COPB1: variants seen among roughly 807,000 people sequenced by gnomAD.
COPB1 encodes the protein coatomer subunit beta.
Under a neutral mutation model 108.7 loss-of-function variants are expected in COPB1, and 21 were observed. The observed-to-expected ratio is 0.19, with a 90% CI of 0.14 to 0.28. The LOEUF (loss-of-function observed/expected upper bound fraction) is 0.28, where lower values mean the gene tolerates loss of function less well. Among genes scored for constraint, COPB1 ranks in the 10% least tolerant of loss-of-function variants. The probability of loss-of-function intolerance (pLI) is 1.00; values close to 1 mark genes in which losing one functional copy is unlikely to be tolerated. For synonymous variants in COPB1, 378 were observed against 386.8 expected (o/e 0.98, Z 0.27); for missense variants, 919 against 1,141.3 (o/e 0.81, Z 2.81).
chr11:14,489,665 T>C (rs1395526628), intron 5 of COPB1, among the ~76,000 whole-genome samples: 1 of 152,132 alleles, frequency 6.6e-6, no homozygotes, highest in Non-Finnish European at 1.5e-5. Flanking sequence ...TCCGGAATAC[T>C]TAGTCAAAAT....
intron 11 of COPB1, among the ~76,000 whole-genome samples, chr11:14,477,898 A>T (rs1457252676): frequency 7.2e-6 from 1 of 138,894 alleles, no homozygotes. Flanking sequence ...CTCCATCTCA[A>T]AAAAAAAAAA....
intron 4 of COPB1, among the ~76,000 whole-genome samples, chr11:14,492,527 G>A (rs950940167): frequency 4.0e-5 from 6 of 151,820 alleles, no homozygotes; most frequent in Admixed American, 3.3e-4. Context: ...ATTTTTAGTA[G>A]AGACGGGGTT....
chr11:14,490,846 G>C (rs1272823786), intron 4 of COPB1, among the ~76,000 whole-genome samples, 167 bp from the exon 5 acceptor site: 6 of 151,242 alleles, frequency 4.0e-5, no homozygotes, highest in Non-Finnish European at 7.4e-5. Flanking sequence ...CTGGAGTGCA[G>C]TGGTGCGATC....
At position 14,483,022 on chromosome 11, in the gene COPB1, T is replaced by A. The variant is rs368091555; in HGVS notation, c.957+10A>T. 3.3e-6 allele frequency: 5 copies of A among 1,525,642 alleles called. No individual in the cohort carries two copies. The South Asian group carries it at 6.1e-5, about 19-fold the overall frequency. 94.5% of individuals were successfully genotyped at this position (1,525,642 alleles called of 1,614,324 possible). On this transcript the variant is annotated intron_variant, in intron 8 of 21. Coordinates refer to ENST00000439561, the MANE Select transcript of COPB1 (RefSeq NM_001144061.2). ...TTATTTAGGATCTCTCTTTTTCAGA[T>A]AACACTTACCTGTAGTACTCGTTCA... is the stretch of plus-strand genomic sequence containing the variant.
chr11:14,468,300 A>G (rs1277482825), intron 16 of COPB1, among the ~76,000 whole-genome samples: 1 of 152,224 alleles, frequency 6.6e-6, no homozygotes, highest in Admixed American at 6.5e-5. Context: ...TATTAAGAAT[A>G]TAAAAGTAGA....
chr11:14,485,766 T>C (rs1850755963), intron 7 of COPB1, among the ~76,000 whole-genome samples: 1 of 152,094 alleles, frequency 6.6e-6, no homozygotes, highest in African/African-American at 2.4e-5. Context: ...GAGAATTGCT[T>C]AAACCCAGGA....
intron 8 of COPB1, among the ~76,000 whole-genome samples, chr11:14,482,444 C>G (rs1850680344): frequency 1.3e-5 from 2 of 151,974 alleles, no homozygotes; most frequent in African/African-American, 2.4e-5. Flanking sequence ...AAATTATATT[C>G]AAATTAAAAT....
chr11:14,460,246 A>T lies in COPB1; in HGVS notation c.2608T>A (p.Leu870Ile). 6.2e-7 allele frequency: 1 copy of T among 1,612,342 alleles called. No individual in the cohort carries two copies. Among genetic ancestry groups the T allele is most frequent in the East Asian group, 2.2e-5 (1 of 44,778 alleles). Residue 870 changes from leucine to isoleucine, a missense_variant, in exon 20 of 22, where the codon TTA becomes ATA. This residue lies in a region of COPB1 where 705 missense variants were observed against 817.8 expected (regional missense o/e 0.86). Transcript: ENST00000439561. The stretch of plus-strand genomic sequence containing the variant: ...AGGCATTTCATATTGGTTGACTTTA[A>T]TATGTGCTGTAAGTAGTCATTTAAA... ...VDLNDYLQHI[L>I]KSTNMKCLTP...
chr11:14,457,692 T>C lies in COPB1; in HGVS notation c.*132A>G, dbSNP rs1850058577. 3 of 696,538 alleles carry C rather than the reference T, an allele frequency of 4.3e-6. No individual in the cohort carries two copies. Among genetic ancestry groups the C allele is most frequent in the South Asian group, 1.6e-5 (1 of 63,558 alleles). 43.1% of individuals were successfully genotyped at this position (696,538 alleles called of 1,614,324 possible). The stretch of plus-strand genomic sequence containing the variant: ...CAATCTTGATTTAAGGGAAAGGCTA[T>C]AAATTATTGGCTGAAAAGTATTCAG... On this transcript the variant is annotated 3_prime_UTR_variant, in exon 22 of 22. Transcript: ENST00000439561.
Position 14,486,420 on chromosome 11 carries a change from A to G in COPB1, c.784T>C (p.Tyr262His). The G allele has an allele frequency of 1.2e-6, 2 of 1,614,162 alleles. No individual in the cohort carries two copies. The highest frequency in any genetic ancestry group is 2.2e-5 in the South Asian group (2 of 91,088). ...GTCACTAATGTCCCAGCAGCTTCAT[A>G]TTTTACAGCAGGGCTGGATGACTGT... is the stretch of plus-strand genomic sequence containing the variant. Reference protein sequence around the residue: ...LLQSSSPAVKYEAAGTLVTLS... With the variant: ...LLQSSSPAVKHEAAGTLVTLS... The change falls in exon 7 of 22, where the codon TAT (tyrosine) becomes CAT (histidine). Residue 262 changes from tyrosine to histidine, a missense_variant. By Grantham distance (83) the Tyr-to-His change is moderately conservative. Around this residue, in one of 5 missense-constraint regions of COPB1, gnomAD observed 22 missense variants for 61.0 expected, o/e 0.36. Coordinates refer to ENST00000439561, the MANE Select transcript of COPB1 (RefSeq NM_001144061.2).
intron 2 of COPB1, among the ~76,000 whole-genome samples, chr11:14,497,744 T>C (rs961834417): frequency 2.6e-5 from 4 of 152,224 alleles, no homozygotes; most frequent in Admixed American, 6.5e-5. Context: ...TGGACTCCTA[T>C]GTTTGTTGCA....
chr11:14,495,062 T>C (rs928927107), intron 2 of COPB1, among the ~76,000 whole-genome samples: 2 of 152,226 alleles, frequency 1.3e-5, no homozygotes, highest in African/African-American at 2.4e-5. Context: ...TTAGTAGTCA[T>C]TATTTAGAAT....
intron 8 of COPB1, 75 bp from the exon 9 acceptor site, chr11:14,481,172 G>A (rs776279468): frequency 9.3e-7 from 1 of 1,074,822 alleles, no homozygotes; most frequent in Non-Finnish European, 1.4e-6. Flanking sequence ...CTGCAGAATG[G>A]TGGGGTTTAT....
At chr11:14,466,546 T>C (rs1850285133) in intron 16 of COPB1, 120 bp from the exon 17 acceptor site, 1 of 933,080 alleles carries the variant, frequency 1.1e-6, no homozygotes, top group South Asian at 1.9e-5. Flanking sequence ...CATTTTGAGA[T>C]AGGTAAAATA....
rs756157261 is a variant in COPB1, at chr11:14,480,912, G to C, written c.1066-7C>G. The C allele has an allele frequency of 1.9e-5, 31 of 1,613,528 alleles. No individual in the cohort carries two copies. The highest frequency in any genetic ancestry group is 2.5e-5 in the Non-Finnish European group (30 of 1,179,762). On this transcript the variant is annotated splice_region_variant and splice_polypyrimidine_tract_variant and intron_variant, in intron 9 of 21. Coordinates refer to ENST00000439561, the MANE Select transcript of COPB1 (RefSeq NM_001144061.2). ...TCTTCAGGACAATAACCAGCTTATA[G>C]AATGAAGTAAAAATAAGTGAGAGTT... is the stretch of plus-strand genomic sequence containing the variant.
At chr11:14,485,127 A>C (rs1413965540) in intron 7 of COPB1, among the ~76,000 whole-genome samples, 4 of 152,134 alleles carry the variant, frequency 2.6e-5, no homozygotes, top group African/African-American at 9.7e-5. Context: ...CAGCCTTCAG[A>C]ATAGCTGGGA....
Position 14,458,696 on chromosome 11 carries a change from A to G in COPB1, c.2647-9T>C. ...CAGTAACCAGAAAGGGCCTGGAAAAAATTTGTGATAAATTCATTACTTTAC... is the reference window on the plus strand; with the variant it reads ...CAGTAACCAGAAAGGGCCTGGAAAAGATTTGTGATAAATTCATTACTTTAC... On this transcript the variant is annotated splice_polypyrimidine_tract_variant and intron_variant, in intron 20 of 21. Transcript: ENST00000439561. 6.2e-7 allele frequency: 1 copy of G among 1,608,680 alleles called. No individual in the cohort carries two copies. Among genetic ancestry groups the G allele is most frequent in the Non-Finnish European group, 8.5e-7 (1 of 1,178,084 alleles).
At chr11:14,461,087 A>T in intron 19 of COPB1, 99 bp downstream of exon 19, 1 of 1,457,142 alleles carries the variant, frequency 6.9e-7, no homozygotes, top group Middle Eastern at 1.7e-4. Context: ...TTTTCATGTT[A>T]AACACTTTTT....
At chr11:14,482,427 G>A (rs544424189) in intron 8 of COPB1, among the ~76,000 whole-genome samples, 11 of 152,030 alleles carry the variant, frequency 7.2e-5, no homozygotes, top group Non-Finnish European at 1.6e-4. Context: ...AATTTTCCAC[G>A]AAATGTAAAT....
Sources: allele counts gnomAD v4.1 joint callset (sites outside exome capture counted in the v4.1 genomes callset), GRCh38; gene constraint gnomAD v4.1.1; regional missense constraint gnomAD v4.1.1; transcripts MANE v1.5; gene names NCBI Gene and HGNC (gene_info 2026-07-23, HGNC 2026-07-21).